Variants in SCUBE1 observed in about 807,000 individuals in gnomAD.
SCUBE1 encodes the protein signal peptide, CUB and EGF-like domain-containing protein 1.
A neutral mutation model predicts 124.4 loss-of-function variants in SCUBE1; 59 were observed. The ratio of observed to expected loss-of-function variants is 0.47; its 90% CI spans 0.38 to 0.59. The LOEUF is 0.59. SCUBE1 is among the 20% of genes least tolerant of loss of function. SCUBE1 has a pLI of 0.00. For missense variants in SCUBE1, 1,150 were observed against 1,371.2 expected (o/e 0.84, Z 2.55); for synonymous variants, 545 against 550.9 (o/e 0.99, Z 0.15).
rs189097224 is a variant in SCUBE1, at chr22:43,276,636, A to C, written c.485-13791T>G. Reference sequence around the variant, plus strand: ...CAGGCATCTGCCCGGTGGTTTCCGAACCCACACTCCAGATCTGCATGACTT... The same window carrying C: ...CAGGCATCTGCCCGGTGGTTTCCGACCCCACACTCCAGATCTGCATGACTT... On this transcript the variant is annotated intron_variant, in intron 4 of 21. Transcript: ENST00000360835. 2.8e-3 allele frequency among the ~76,000 whole-genome samples: 420 copies of C among 152,298 alleles called. 2 individuals are homozygous for C. Among genetic ancestry groups the C allele is most frequent in the African/African-American group, 9.5e-3 (395 of 41,572 alleles).
In SCUBE1 at chr22:43,253,889, G is replaced by A. The variant is rs575860119; in HGVS notation, c.727+4330C>T. Among the ~76,000 whole-genome samples, 4 of 152,300 alleles carry A rather than the reference G, an allele frequency of 2.6e-5. No homozygotes were observed. In the South Asian group the frequency reaches 8.3e-4, roughly 32 times the overall value. ...GCCCGCTTCTTGTAAGTGAGACCGA[G>A]GGCCCTGCCCTGGGCCCTGAGACCT... On this transcript the variant is annotated intron_variant, in intron 6 of 21. Coordinates refer to ENST00000360835, the MANE Select transcript of SCUBE1 (RefSeq NM_173050.5).
intron 3 of SCUBE1, among the ~76,000 whole-genome samples, chr22:43,305,899 C>T (rs1171778718): frequency 6.6e-6 from 1 of 152,214 alleles, no homozygotes; most frequent in African/African-American, 2.4e-5. Context: ...AGAGTGCCAG[C>T]CAGGCACAGG....
At chr22:43,285,852 C>T (rs1051643247) in intron 4 of SCUBE1, among the ~76,000 whole-genome samples, 3 of 152,248 alleles carry the variant, frequency 2.0e-5, no homozygotes, top group African/African-American at 7.2e-5. Context: ...GAATGAGGGA[C>T]GATGGCCATC....
At chr22:43,333,118 G>A (rs897942638) in intron 2 of SCUBE1, among the ~76,000 whole-genome samples, 1 of 152,202 alleles carries the variant, frequency 6.6e-6, no homozygotes, top group Non-Finnish European at 1.5e-5. Context: ...GACCTGGGGT[G>A]AGCTGCAAAG....
chr22:43,341,905 A>G (rs1264472796), intron 1 of SCUBE1, among the ~76,000 whole-genome samples: 1 of 152,042 alleles, frequency 6.6e-6, no homozygotes, highest in Non-Finnish European at 1.5e-5. Flanking sequence ...AGGTGGGGAT[A>G]GGCACGCCCA....
chr22:43,269,843 A>T (rs1924224126), intron 4 of SCUBE1, among the ~76,000 whole-genome samples: 1 of 152,150 alleles, frequency 6.6e-6, no homozygotes, highest in South Asian at 2.1e-4. Context: ...AACCCGGGGA[A>T]GGTGGTGCCC....
intron 14 of SCUBE1, among the ~76,000 whole-genome samples, chr22:43,219,762 A>C (rs571066137): frequency 6.6e-6 from 1 of 152,168 alleles, no homozygotes; most frequent in South Asian, 2.1e-4. Context: ...GGCGTGAGCC[A>C]GTGTGCCCAG....
At chr22:43,261,894 C>G (rs1923885206) in intron 5 of SCUBE1, among the ~76,000 whole-genome samples, 2 of 152,212 alleles carry the variant, frequency 1.3e-5, no homozygotes, top group Non-Finnish European at 2.9e-5. Flanking sequence ...GAGGCCCACC[C>G]CACCATCTCC....
At chr22:43,230,073 C>T (rs1489951520) in intron 8 of SCUBE1, among the ~76,000 whole-genome samples, 3 of 152,190 alleles carry the variant, frequency 2.0e-5, no homozygotes, top group Admixed American at 6.5e-5. Flanking sequence ...TGCTCAAAGG[C>T]GAGTGTGCTC....
intron 15 of SCUBE1, among the ~76,000 whole-genome samples, chr22:43,217,759 C>T (rs948824470): frequency 3.9e-5 from 6 of 152,156 alleles, no homozygotes; most frequent in Non-Finnish European, 7.4e-5. Flanking sequence ...TCCCCTCCAG[C>T]GCACACCCGC....
intron 7 of SCUBE1, among the ~76,000 whole-genome samples, chr22:43,236,713 G>C (rs1922777628): frequency 6.6e-6 from 1 of 152,106 alleles, no homozygotes; most frequent in Non-Finnish European, 1.5e-5. Context: ...CTTCCCCTCA[G>C]CCCTCCCCGG....
chr22:43,249,378 G>C (rs1413858472), intron 6 of SCUBE1, among the ~76,000 whole-genome samples: 1 of 152,166 alleles, frequency 6.6e-6, no homozygotes, highest in East Asian at 1.9e-4. Flanking sequence ...GAATGCACAT[G>C]TCCCGATGAG....
intron 3 of SCUBE1, among the ~76,000 whole-genome samples, chr22:43,304,844 A>G (rs1925907339): frequency 6.6e-6 from 1 of 151,726 alleles, no homozygotes; most frequent in Admixed American, 6.6e-5. Flanking sequence ...CGAGTCACCC[A>G]CCCCACACCA....
chr22:43,227,112 T>C (rs575222033), intron 10 of SCUBE1, among the ~76,000 whole-genome samples: 1 of 152,288 alleles, frequency 6.6e-6, no homozygotes, highest in African/African-American at 2.4e-5. Context: ...GCAGATCTCC[T>C]CTGTGCCCTC....
intron 3 of SCUBE1, 103 bp from the exon 4 acceptor site, chr22:43,291,283 C>T (rs1925347617): frequency 7.6e-7 from 1 of 1,322,746 alleles, no homozygotes; most frequent in African/African-American, 1.4e-5. Context: ...CTCACATGGC[C>T]CTGAAGGGAG....
chr22:43,259,596 C>G (rs1471944430), intron 5 of SCUBE1, among the ~76,000 whole-genome samples: 1 of 152,198 alleles, frequency 6.6e-6, no homozygotes, highest in African/African-American at 2.4e-5. Flanking sequence ...GACGCAGAGC[C>G]TTCCTGCCCA....
At chr22:43,311,884 C>T (rs558093674) in intron 3 of SCUBE1, among the ~76,000 whole-genome samples, 1 of 152,306 alleles carries the variant, frequency 6.6e-6, no homozygotes, top group South Asian at 2.1e-4. Context: ...GACCCTAAAA[C>T]TCCCCTCAAA....
chr22:43,339,284 G>A (rs1323907160), intron 1 of SCUBE1, 49 bp from the exon 2 acceptor site: 4 of 1,591,392 alleles, frequency 2.5e-6, no homozygotes, highest in South Asian at 1.1e-5. Context: ...TGGCCCCAGG[G>A]CAGGTGGCCG....
intron 2 of SCUBE1, among the ~76,000 whole-genome samples, chr22:43,334,218 ATGGCATATTTGCCATCCCCGAAGTAG>A (rs1926991029): frequency 6.6e-6 from 1 of 152,202 alleles, no homozygotes; most frequent in African/African-American, 2.4e-5. Context: ...GCAGAAGGTG[ATGGCATATTTGCCATCCCCGAAGTAG>A]GCTTAGTTGA....
Sources: allele counts gnomAD v4.1 joint callset (sites outside exome capture counted in the v4.1 genomes callset), GRCh38; gene constraint gnomAD v4.1.1; transcripts MANE v1.5; gene names NCBI Gene and HGNC (gene_info 2026-07-23, HGNC 2026-07-21).